The following ATP2B4 variants were observed in gnomAD, a reference collection of about 807,000 sequenced individuals.
The protein encoded by ATP2B4 is ATPase plasma membrane Ca2+ transporting 4, also known as plasma membrane calcium-transporting ATPase 4.
A neutral mutation model predicts 110.3 loss-of-function variants in ATP2B4; 39 were observed. The ratio of observed to expected loss-of-function variants is 0.35; its 90% confidence interval spans 0.27 to 0.46. The LOEUF (loss-of-function observed/expected upper bound fraction) is 0.46, where lower values mean the gene tolerates loss of function less well. Ranked by LOEUF, ATP2B4 falls within the 20% of genes least tolerant of loss-of-function variation. The probability of loss-of-function intolerance (pLI) is 1.00; values close to 1 mark genes in which losing one functional copy is unlikely to be tolerated. For synonymous variants in ATP2B4, 538 were observed against 571.7 expected, an observed-to-expected ratio of 0.94 and a Z score of 0.84; for missense variants, 1,135 against 1,530.9, an observed-to-expected ratio of 0.74 and a Z score of 4.32.
intron 1 of ATP2B4, among the ~76,000 whole-genome samples, chr1:203,627,942 TTGAG>T (rs1446312294): frequency 1.3e-5 from 2 of 152,328 alleles, no homozygotes; most frequent in East Asian, 1.9e-4. Flanking sequence ...CCGCTGTTGT[TTGAG>T]TGTGTGTGAG....
intron 2 of ATP2B4, among the ~76,000 whole-genome samples, chr1:203,688,449 C>A (rs1404849981): frequency 7.0e-6 from 1 of 142,100 alleles, no homozygotes. Context: ...CAGGTGTGCA[C>A]CACCACGCCC....
chr1:203,728,139 T>C lies in ATP2B4; in HGVS notation c.3309+568T>C. On this transcript the variant is annotated intron_variant, in intron 20 of 20. Coordinates refer to ENST00000357681, the MANE Select transcript of ATP2B4 (RefSeq NM_001684.5). ...CATGTGTAAAAATGACAATAGTCTC[T>C]TGATGTCTGAGCATCTTTTGCAGGA... The C allele has an allele frequency of 4.3e-6, 2 of 460,042 alleles. 1 individual carries two copies. The allele number at this position is 460,042 out of a possible 1,614,324, so 28.5% of individuals were successfully genotyped here.
chr1:203,691,644 C>A (rs1308657739), intron 2 of ATP2B4, among the ~76,000 whole-genome samples: 1 of 152,176 alleles, frequency 6.6e-6, no homozygotes, highest in African/African-American at 2.4e-5. Context: ...CTGGCTGTGA[C>A]CTTGAATCAA....
At chr1:203,712,285 C>T in intron 13 of ATP2B4, 146 bp downstream of exon 13, 1 of 1,024,304 alleles carries the variant, frequency 9.8e-7, no homozygotes, top group Non-Finnish European at 1.4e-6. Context: ...TACCAAACTG[C>T]TGATATGGTA....
At chr1:203,694,354 A>G (rs1423299148) in intron 2 of ATP2B4, among the ~76,000 whole-genome samples, 9 of 152,182 alleles carry the variant, frequency 5.9e-5, no homozygotes, top group African/African-American at 2.2e-4. Context: ...GAAATGATTG[A>G]GCAGGATGAG....
chr1:203,688,630 G>C (rs1034247683), intron 2 of ATP2B4, among the ~76,000 whole-genome samples: 8 of 152,096 alleles, frequency 5.3e-5, no homozygotes, highest in Non-Finnish European at 8.8e-5. Context: ...ACTGGCTTGT[G>C]TTCCTTGAGT....
intron 1 of ATP2B4, among the ~76,000 whole-genome samples, chr1:203,641,040 C>G (rs1663610809): frequency 6.6e-6 from 1 of 152,128 alleles, no homozygotes; most frequent in South Asian, 2.1e-4. Context: ...TAAAAGGGAG[C>G]TTTATTAGGC....
intron 1 of ATP2B4, among the ~76,000 whole-genome samples, chr1:203,655,214 T>C (rs1664122250): frequency 6.6e-6 from 1 of 152,172 alleles, no homozygotes; most frequent in South Asian, 2.1e-4. Flanking sequence ...TAAATACTGT[T>C]GAAGTGACAA....
chr1:203,694,676 C>G (rs1042765370), intron 2 of ATP2B4, among the ~76,000 whole-genome samples: 13 of 152,038 alleles, frequency 8.6e-5, no homozygotes, highest in African/African-American at 3.1e-4. Context: ...TAGTTTTACT[C>G]TAAGTAAAAG....
intron 15 of ATP2B4, 74 bp from the exon 16 acceptor site, chr1:203,720,475 G>A (rs1666288414): frequency 7.0e-7 from 1 of 1,427,910 alleles, no homozygotes; most frequent in African/African-American, 1.4e-5. Context: ...GACTTCGGAA[G>A]CTTCCTGGAG....
At position 203,698,787 on chromosome 1, in the gene ATP2B4, C is replaced by A. The variant is rs1665608709; in HGVS notation, c.391+433C>A. ...GAGTAGCTGGGATTACAGGCGTGTG[C>A]CATCACGCCTGGCTAATTTTTGTAT... On this transcript the variant is annotated intron_variant, in intron 3 of 20. Transcript: ENST00000357681. 2.0e-5 allele frequency among the ~76,000 whole-genome samples: 3 copies of A among 152,150 alleles called. No homozygotes were observed. In the South Asian group the frequency reaches 6.2e-4, roughly 32 times the overall value.
Position 203,683,156 on chromosome 1 carries a change from G to A in ATP2B4, c.-50G>A. ...AGGCAGGAGACACTGGTCAGTTGAA[G>A]GGAAACGCTACATCTTCTCTGGTTG... is the stretch of plus-strand genomic sequence containing the variant. On this transcript the variant is annotated 5_prime_UTR_variant, in exon 2 of 21. Coordinates refer to ENST00000357681, the MANE Select transcript of ATP2B4 (RefSeq NM_001684.5). The A allele has an allele frequency of 6.3e-7, 1 of 1,583,302 alleles. No individual in the cohort carries two copies. The highest frequency in any genetic ancestry group is 8.6e-7 in the Non-Finnish European group (1 of 1,163,590).
intron 1 of ATP2B4, among the ~76,000 whole-genome samples, chr1:203,648,420 G>A (rs180915770): frequency 1.0e-3 from 155 of 152,262 alleles, no homozygotes; most frequent in Non-Finnish European, 1.7e-3. Flanking sequence ...TGTCTATGAT[G>A]GGACACTAGA....
chr1:203,703,711 G>C lies in ATP2B4; in HGVS notation c.997G>C (p.Asp333His), dbSNP rs200430665. Residue 333 changes from aspartate to histidine, a missense_variant, in exon 8 of 21, where the codon GAC (aspartate) becomes CAC (histidine). Transcript: ENST00000357681. ...IQPLNSQEGI[D>H]NEEKDKKAVK... ...GCCACTCAACAGCCAGGAGGGAATC[G>C]ACAATGAGGAAAAGGACAAGAAGGC... 10 of 1,614,104 alleles carry C rather than the reference G, an allele frequency of 6.2e-6. No homozygotes were observed. Among genetic ancestry groups the C allele is most frequent in the Non-Finnish European group, 7.6e-6 (9 of 1,179,996 alleles).
chr1:203,650,453 T>C (rs1373830609), intron 1 of ATP2B4, among the ~76,000 whole-genome samples: 1 of 152,144 alleles, frequency 6.6e-6, no homozygotes, highest in African/African-American at 2.4e-5. Context: ...CTCTGAGCAA[T>C]CGCTGCTGCC....
intron 20 of ATP2B4, among the ~76,000 whole-genome samples, chr1:203,729,921 A>G (rs1255042402): frequency 6.6e-6 from 1 of 152,164 alleles, no homozygotes; most frequent in African/African-American, 2.4e-5. Flanking sequence ...ACCATGGTCT[A>G]GGTGGTGCTT....
chr1:203,713,324 C>T (rs1211432681), intron 14 of ATP2B4, 72 bp downstream of exon 14: 3 of 1,549,626 alleles, frequency 1.9e-6, no homozygotes, highest in Non-Finnish European at 2.7e-6. Flanking sequence ...TAAGAACCAC[C>T]AGCCAAAGCC....
chr1:203,725,134 C>A (rs992299489), intron 19 of ATP2B4, among the ~76,000 whole-genome samples: 2 of 150,956 alleles, frequency 1.3e-5, no homozygotes, highest in African/African-American at 4.9e-5. Context: ...CCTTGGCCTC[C>A]CAAAGTGCTG....
chr1:203,731,609 TG>T (rs1344982849), intron 20 of ATP2B4, among the ~76,000 whole-genome samples: 1 of 151,900 alleles, frequency 6.6e-6, no homozygotes, highest in Non-Finnish European at 1.5e-5. Context: ...CCCAGCACTT[TG>T]GGAGGCTGAG....
Sources: gnomAD v4.1 joint callset for allele counts (sites outside exome capture counted in the v4.1 genomes callset) on GRCh38, gnomAD v4.1.1 for gene constraint, MANE v1.5 for transcripts, NCBI Gene and HGNC (gene_info 2026-07-23, HGNC 2026-07-21) for gene names.